The following PAPPA variants were observed in gnomAD, a reference collection of about 807,000 sequenced individuals.
The protein encoded by PAPPA is pappalysin 1, also known as pappalysin-1.
PAPPA carries 60 observed loss-of-function variants against 164.0 expected under a neutral mutation model. The ratio of observed to expected loss-of-function variants is 0.37; its 90% CI spans 0.30 to 0.45. PAPPA has a LOEUF of 0.45. Among genes scored for constraint, PAPPA ranks in the 20% least tolerant of loss-of-function variants. The pLI, the probability that PAPPA is intolerant of heterozygous loss-of-function variation, is 1.00. For missense variants in PAPPA, 1,782 were observed against 2,087.3 expected (o/e 0.85, Z 2.85); for synonymous variants, 875 against 814.1 (o/e 1.07, Z -1.27).
At chr9:116,351,281 G>A (rs1006544318) in intron 15 of PAPPA, among the ~76,000 whole-genome samples, 2 of 152,150 alleles carry the variant, frequency 1.3e-5, no homozygotes, top group African/African-American at 2.4e-5. Flanking sequence ...GATATTTGTT[G>A]AATGAATGAA....
Position 116,367,658 on chromosome 9 carries a change from C to T in PAPPA, c.4509C>T (p.Ala1503=). ...PDGYAIGSEC[A]TSCLDHNSES... is the part of the protein sequence containing the mutation. ...TACTTCCCTCAGGGTCGGAGTGTGC[C>T]ACCTCGTGCCTGGACCACAACAGCG... The change falls in exon 19 of 22, where the codon GCC becomes GCT. Residue 1503 remains alanine (A), a synonymous_variant. Transcript: ENST00000328252. 1.2e-6 allele frequency: 2 copies of T among 1,613,692 alleles called. No individual in the cohort carries two copies. Among genetic ancestry groups the T allele is most frequent in the Non-Finnish European group, 1.7e-6 (2 of 1,179,748 alleles).
chr9:116,203,044 T>G (rs1056047487), intron 2 of PAPPA, among the ~76,000 whole-genome samples: 1 of 152,146 alleles, frequency 6.6e-6, no homozygotes, highest in African/African-American at 2.4e-5. Context: ...TGGTCAGATA[T>G]TCAGGCAATG....
intron 20 of PAPPA, 93 bp from the exon 21 acceptor site, chr9:116,382,302 G>T: frequency 1.3e-6 from 1 of 792,168 alleles, no homozygotes. Context: ...GCTGTGAAAA[G>T]ATGACAGACA....
intron 9 of PAPPA, among the ~76,000 whole-genome samples, chr9:116,298,731 G>A (rs1177740447): frequency 2.0e-5 from 3 of 152,230 alleles, no homozygotes; most frequent in African/African-American, 7.2e-5. Flanking sequence ...ATGTGTATGT[G>A]TATAAAAGTG....
Position 116,402,096 on chromosome 9 carries a change from CTAAT to C in PAPPA, c.*5482_*5485del, listed in dbSNP as rs1447795311. On this transcript the variant is annotated 3_prime_UTR_variant, in exon 22 of 22. Transcript: ENST00000328252. ...AATTTATATTTACACAATTGTTCAT[CTAAT>C]TTATTTTTTCTATACAGTTTTAAAT... 1 of 152,170 alleles carries C rather than the reference CTAAT, an allele frequency of 6.6e-6. No homozygotes were observed. The highest frequency in any genetic ancestry group is 1.5e-5 in the Non-Finnish European group (1 of 67,940). The allele number at this position is 152,170 out of a possible 1,614,324, so 9.4% of individuals were successfully genotyped here. A position where few individuals can be genotyped will look rare whatever the true frequency, so the allele number is the denominator to read the frequency against.
intron 2 of PAPPA, among the ~76,000 whole-genome samples, chr9:116,195,030 T>C (rs1490561453): frequency 1.3e-5 from 2 of 152,256 alleles, no homozygotes; most frequent in Non-Finnish European, 2.9e-5. Flanking sequence ...CCCAAATGTC[T>C]GGCAGTGTTA....
chr9:116,261,032 C>T (rs1257918598), intron 7 of PAPPA, among the ~76,000 whole-genome samples: 1 of 152,206 alleles, frequency 6.6e-6, no homozygotes, highest in Non-Finnish European at 1.5e-5. Context: ...CAAATCCCTA[C>T]TCCATGACAA....
At chr9:116,248,577 C>T (rs1008221790) in intron 7 of PAPPA, among the ~76,000 whole-genome samples, 4 of 152,166 alleles carry the variant, frequency 2.6e-5, no homozygotes, top group Non-Finnish European at 5.9e-5. Flanking sequence ...AGGACTCCAC[C>T]TAGACCCAGC....
rs1269901743 is a variant in PAPPA, at chr9:116,211,902, A to G, written c.1888A>G (p.Thr630Ala). 6.2e-7 allele frequency: 1 copy of G among 1,613,368 alleles called. No individual in the cohort carries two copies. The highest frequency in any genetic ancestry group is 1.1e-5 in the South Asian group (1 of 91,036). Residue 630 changes from threonine to alanine, a missense_variant, in exon 4 of 22, where the codon ACT becomes GCT. By Grantham distance (58) the Thr-to-Ala change is moderately conservative (BLOSUM62 0). Around this residue, in one of 2 missense-constraint regions of PAPPA, gnomAD observed 1,324 missense variants for 1,656.9 expected, o/e 0.80. Transcript: ENST00000328252. ...CTGTGGCTTTCATAGCTTCTTCAACACTCCTTACAACAACTTCATGAGCTA... is the reference window on the plus strand; with the variant it reads ...CTGTGGCTTTCATAGCTTCTTCAACGCTCCTTACAACAACTTCATGAGCTA... ...DTCGFHSFFN[T>A]PYNNFMSYAD...
rs138250534 is a variant in PAPPA, at chr9:116,216,737, C to CTT, written c.1919-3192_1919-3191dup. Among the ~76,000 whole-genome samples, 81 of 151,440 alleles carry CTT rather than the reference C, an allele frequency of 5.3e-4. 1 individual carries two copies. Among genetic ancestry groups the CTT allele is most frequent in the African/African-American group, 1.9e-3 (78 of 41,266 alleles). ...ACCTTGGGATAGATTTCGACTTCAG[C>CTT]TTTTTTTTTATTTTTATTTTTTGAG... On this transcript the variant is annotated intron_variant, in intron 4 of 21. Transcript: ENST00000328252.
chr9:116,205,093 G>T (rs1844216929), intron 2 of PAPPA, among the ~76,000 whole-genome samples: 1 of 150,908 alleles, frequency 6.6e-6, no homozygotes, highest in African/African-American at 2.4e-5. Context: ...CCCCCCTTTG[G>T]GTGGGTTCCC....
intron 5 of PAPPA, 115 bp from the exon 6 acceptor site, chr9:116,227,316 G>C (rs921537680): frequency 9.1e-7 from 1 of 1,093,588 alleles, no homozygotes; most frequent in African/African-American, 1.6e-5. Context: ...GGCAGGAAAG[G>C]GGGAAACACA....
At chr9:116,352,582 G>C (rs1846296749) in intron 15 of PAPPA, 124 bp from the exon 16 acceptor site, 1 of 746,336 alleles carries the variant, frequency 1.3e-6, no homozygotes, top group African/African-American at 1.7e-5. Context: ...GAAGTAGAAG[G>C]GGTTGGAATT....
chr9:116,236,519 G>A (rs1269704008), intron 7 of PAPPA, among the ~76,000 whole-genome samples: 4 of 151,420 alleles, frequency 2.6e-5, no homozygotes, highest in Middle Eastern at 3.4e-3. Context: ...TCCAGGAGGC[G>A]GGGTTGCAGT....
intron 21 of PAPPA, among the ~76,000 whole-genome samples, chr9:116,384,270 TTAATAATAA>T (rs3040228): frequency 2.2e-5 from 3 of 138,270 alleles, no homozygotes; most frequent in African/African-American, 8.1e-5. Flanking sequence ...CTACACGTAA[TTAATAATAA>T]TAATAATAAT....
chr9:116,278,976 T>G (rs1011671876), intron 9 of PAPPA, among the ~76,000 whole-genome samples: 1 of 152,198 alleles, frequency 6.6e-6, no homozygotes, highest in Admixed American at 6.5e-5. Flanking sequence ...TTGTGACTGA[T>G]GCAAAGGCAG....
rs1020231179 is a variant in PAPPA, at chr9:116,353,714, A to T, written c.4268A>T (p.His1423Leu). The T allele has an allele frequency of 1.9e-6, 3 of 1,614,116 alleles. No homozygotes were observed. In the Admixed American group the frequency reaches 5.0e-5, roughly 27 times the overall value. Residue 1423 changes from histidine to leucine, a missense_variant, in exon 17 of 22, where the codon CAT becomes CTT. Physicochemically the swap from His to Leu is moderately conservative, Grantham distance 99 (BLOSUM62 -3). Around this residue, in one of 2 missense-constraint regions of PAPPA, gnomAD observed 1,324 missense variants for 1,656.9 expected, o/e 0.80. Transcript: ENST00000328252. ...TGTGACCCACCTCCACCAAAATTCC[A>T]TGGGCTCTACCAGTGTACTAATGGC... ...VTCDPPPPKF[H>L]GLYQCTNGFQ...
At chr9:116,267,881 C>CAAA (rs61670954) in intron 8 of PAPPA, among the ~76,000 whole-genome samples, 12 of 57,580 alleles carry the variant, frequency 2.1e-4, no homozygotes, top group African/African-American at 4.4e-4. Flanking sequence ...GACTCCGTCT[C>CAAA]AAAAAAAAAA....
chr9:116,166,285 AAGCCAT>A (rs1204887671), intron 1 of PAPPA, among the ~76,000 whole-genome samples: 6 of 152,188 alleles, frequency 3.9e-5, no homozygotes, highest in Non-Finnish European at 7.3e-5. Flanking sequence ...TTTCTAATCC[AAGCCAT>A]ATTTTGGCCT....
Sources: gnomAD v4.1 joint callset for allele counts (sites outside exome capture counted in the v4.1 genomes callset) on GRCh38, gnomAD v4.1.1 for gene constraint, gnomAD v4.1.1 regional missense constraint, MANE v1.5 for transcripts, NCBI Gene and HGNC (gene_info 2026-07-23, HGNC 2026-07-21) for gene names.